Variants in KCNC4 observed in about 807,000 individuals in gnomAD.
KCNC4 encodes the protein potassium voltage-gated channel subfamily C member 4, also known as voltage-gated potassium channel KCNC4.
In KCNC4, 23 loss-of-function variants were observed where a neutral mutation model predicts 42.8. The observed-to-expected ratio is 0.54, with a 90% CI of 0.39 to 0.76. The LOEUF (loss-of-function observed/expected upper bound fraction) is 0.76. Among genes scored for constraint, KCNC4 ranks in the 30% least tolerant of loss-of-function variants. The pLI is 0.00. For missense variants in KCNC4, 751 were observed against 898.2 expected (o/e 0.84, Z 2.10); for synonymous variants, 422 against 393.5 (o/e 1.07, Z -0.86).
chr1:110,220,163 G>A (rs1658014778), intron 1 of KCNC4: 1 of 152,226 alleles, frequency 6.6e-6, no homozygotes, highest in South Asian at 2.1e-4. Flanking sequence ...CCTCTCTTGT[G>A]CCTCTATTTC....
At chr1:110,268,759 G>A (rs1659590787) in intron 1 of KCNC4, among the ~76,000 whole-genome samples, 1 of 141,792 alleles carries the variant, frequency 7.1e-6, no homozygotes, top group Admixed American at 7.3e-5. Flanking sequence ...ACGGAGTCTC[G>A]CTGTGTCACC....
At chr1:110,212,627 C>T (rs908156054) in intron 1 of KCNC4, among the ~76,000 whole-genome samples, 1 of 152,146 alleles carries the variant, frequency 6.6e-6, no homozygotes, top group Non-Finnish European at 1.5e-5. Context: ...TAGATGCTTC[C>T]ATGCCGTGCC....
At chr1:110,221,008 T>C (rs1207815114) in intron 1 of KCNC4, 3 of 152,258 alleles carry the variant, frequency 2.0e-5, no homozygotes, top group African/African-American at 4.8e-5. Flanking sequence ...TCTCCTTCCA[T>C]GCTGTTTCTG....
chr1:110,226,591 G>A (rs149611626), intron 3 of KCNC4, among the ~76,000 whole-genome samples: 51 of 152,274 alleles, frequency 3.3e-4, no homozygotes, highest in South Asian at 2.7e-3. Context: ...GTGACCCCTC[G>A]AGGTGCCAAC....
Position 110,233,456 on chromosome 1 carries a change from G to T in KCNC4, c.*484G>T. Reference sequence around the variant, plus strand: ...AGCAAGTAACCTGGTGAAGTCTATTGAAGGCCAGACTGCCCCCTAGGGTCA... The same window carrying T: ...AGCAAGTAACCTGGTGAAGTCTATTTAAGGCCAGACTGCCCCCTAGGGTCA... On this transcript the variant is annotated 3_prime_UTR_variant, in exon 4 of 4. Coordinates refer to ENST00000438661, the MANE Select transcript of KCNC4 (RefSeq NM_001039574.3). 1 of 192,030 alleles carries T rather than the reference G, an allele frequency of 5.2e-6. No homozygotes were observed. The highest frequency in any genetic ancestry group is 9.8e-5 in the South Asian group (1 of 10,192). 11.9% of individuals were successfully genotyped at this position (192,030 alleles called of 1,614,324 possible).
At chr1:110,251,675 A>T (rs1278793181), downstream of KCNC4, among the ~76,000 whole-genome samples, 1 of 152,220 alleles carries the variant, frequency 6.6e-6, no homozygotes, top group Non-Finnish European at 1.5e-5. Context: ...GAGAAGGAGG[A>T]ACTTAAGTGA....
chr1:110,278,910 A>C (rs1290398151), intron 1 of KCNC4, among the ~76,000 whole-genome samples: 1 of 152,116 alleles, frequency 6.6e-6, no homozygotes. Context: ...GTCTGTCAGC[A>C]TGCCACTCAG....
chr1:110,236,115 T>G (rs1658899576), downstream of KCNC4: 1 of 152,214 alleles, frequency 6.6e-6, no homozygotes, highest in South Asian at 2.1e-4. Context: ...TGAATCAGCC[T>G]CATTTCACTG....
downstream of KCNC4, among the ~76,000 whole-genome samples, chr1:110,249,910 C>T (rs538569123): frequency 9.9e-5 from 15 of 152,168 alleles, no homozygotes; most frequent in Non-Finnish European, 2.2e-4. Context: ...TCTCTTCTCT[C>T]CCAGTCCCTA....
At chr1:110,237,539 A>T (rs1234432338), downstream of KCNC4, 3 of 152,090 alleles carry the variant, frequency 2.0e-5, no homozygotes, top group East Asian at 5.8e-4. Flanking sequence ...ATGTTTGGAG[A>T]CACAGTGGAT....
In KCNC4 at chr1:110,211,212, G is replaced by T; in HGVS notation, c.-288G>T. The T allele has an allele frequency of 2.2e-6, 1 of 455,624 alleles. No individual in the cohort carries two copies. Among genetic ancestry groups the T allele is most frequent in the South Asian group, 2.9e-5 (1 of 34,774 alleles). The allele number at this position is 455,624 out of a possible 1,614,324, so 28.2% of individuals were successfully genotyped here. On this transcript the variant is annotated 5_prime_UTR_variant, in exon 1 of 4. Coordinates refer to ENST00000438661, the MANE Select transcript of KCNC4 (RefSeq NM_001039574.3). The surrounding 1 kb of genome is among the most constrained non-coding windows in gnomAD (Gnocchi z 6.5). ...CGTTTGTGTGTCCCGTCGTAGCGGG[G>T]GACCGCGTGTGTGCTTGCTTCTACT...
chr1:110,255,874 A>G (rs1324529446), intron 1 of KCNC4, among the ~76,000 whole-genome samples: 1 of 152,174 alleles, frequency 6.6e-6, no homozygotes, highest in East Asian at 1.9e-4. Flanking sequence ...TTTCTCACTC[A>G]CACTTGCTGT....
At chr1:110,238,015 A>G (rs1180275399), downstream of KCNC4, 1 of 152,280 alleles carries the variant, frequency 6.6e-6, no homozygotes, top group Non-Finnish European at 1.5e-5. Context: ...CCGCATTCAA[A>G]ATGCAGCATC....
chr1:110,251,833 T>C (rs11102071), downstream of KCNC4, among the ~76,000 whole-genome samples: 64,883 of 152,192 alleles, frequency 0.43, 14,135 homozygotes, highest in African/African-American at 0.51. Flanking sequence ...AAGGCCCTTG[T>C]TGGCCACTCA....
chr1:110,222,759 G>T, intron 1 of KCNC4: 1 of 567,252 alleles, frequency 1.8e-6, no homozygotes, highest in Non-Finnish European at 3.1e-6. Context: ...TTGTGACAAA[G>T]ATTGGGAAAC....
rs943849942 is a variant in KCNC4, at chr1:110,211,614, A to G, written c.115A>G (p.Ile39Val). The G allele has an allele frequency of 5.6e-6, 9 of 1,613,898 alleles. No individual in the cohort carries two copies. Among genetic ancestry groups the G allele is most frequent in the Non-Finnish European group, 7.6e-6 (9 of 1,179,968 alleles). Reference sequence around the variant, plus strand: ...CAAGGGCGAGGCGTCGGAGAAGATCATCATCAACGTGGGCGGCACGCGACA... The same window carrying G: ...CAAGGGCGAGGCGTCGGAGAAGATCGTCATCAACGTGGGCGGCACGCGACA... ...MAKGEASEKI[I>V]INVGGTRHET... Residue 39 changes from isoleucine to valine, a missense_variant, in exon 1 of 4, where the codon ATC (isoleucine) becomes GTC (valine). By Grantham distance (29) the Ile-to-Val change is conservative (BLOSUM62 3). Transcript: ENST00000438661. The surrounding 1 kb of genome is among the most constrained non-coding windows in gnomAD (Gnocchi z 6.5).
chr1:110,257,712 C>T (rs144417070), intron 1 of KCNC4, among the ~76,000 whole-genome samples: 4 of 119,374 alleles, frequency 3.4e-5, no homozygotes, highest in African/African-American at 7.1e-5. Flanking sequence ...CAGAGCGAGA[C>T]TCCGTCTCAA....
chr1:110,239,407 G>C (rs1357579734), exon 4 of KCNC4: 1 of 152,052 alleles, frequency 6.6e-6, no homozygotes, highest in Non-Finnish European at 1.5e-5. Context: ...TCACTTTCTT[G>C]GTGAGGCGTT....
chr1:110,217,885 A>T lies in KCNC4; in HGVS notation c.679-5079A>T, dbSNP rs1423603527. Among the ~76,000 whole-genome samples the T allele has an allele frequency of 2.0e-5, 3 of 151,876 alleles. No homozygotes were observed. The East Asian group carries it at 5.8e-4, about 29-fold the overall frequency. ...CAGACCTTCTCATTTCCTGCCTCTT[A>T]CCCCCGGGACTGCCCCACTGTCTTC... On this transcript the variant is annotated intron_variant, in intron 1 of 3. Coordinates refer to ENST00000438661, the MANE Select transcript of KCNC4 (RefSeq NM_001039574.3).
Sources: allele counts gnomAD v4.1 joint callset (sites outside exome capture counted in the v4.1 genomes callset), GRCh38; gene constraint gnomAD v4.1.1; non-coding constraint Gnocchi (gnomAD v3.1); transcripts MANE v1.5; gene names NCBI Gene and HGNC (gene_info 2026-07-23, HGNC 2026-07-21).